BANP: variants seen among roughly 807,000 people sequenced by gnomAD.
The protein encoded by BANP is BTG3 associated nuclear protein.
In BANP, 11 loss-of-function variants were observed where a neutral mutation model predicts 68.1. The ratio of observed to expected loss-of-function variants is 0.16; its 90% CI spans 0.10 to 0.27. The LOEUF (loss-of-function observed/expected upper bound fraction) is 0.27, where lower values mean the gene tolerates loss of function less well. Among genes scored for constraint, BANP ranks in the 10% least tolerant of loss-of-function variants. The pLI is 1.00. For synonymous variants in BANP, 329 were observed against 303.2 expected, an observed-to-expected ratio of 1.09 and a Z score of -0.88; for missense variants, 504 against 722.7, an observed-to-expected ratio of 0.70 and a Z score of 3.47.
rs73235263 is a variant in BANP, at chr16:88,073,069, C to G, written c.1521+857C>G. ...ATTAAAATCCTAGATGTCTGAGCAG[C>G]CTTTCCCTGCTCCCCGGGCACTGCT... is the stretch of plus-strand genomic sequence containing the variant. On this transcript the variant is annotated intron_variant, in intron 13 of 13. Coordinates refer to ENST00000682872, the MANE Select transcript of BANP (RefSeq NM_001386991.1). Among the ~76,000 whole-genome samples the G allele has an allele frequency of 5.7e-3, 871 of 152,350 alleles. 10 individuals carry two copies. The highest frequency in any genetic ancestry group is 0.02 in the African/African-American group (821 of 41,584).
chr16:88,021,900 C>T (rs2076103616), intron 7 of BANP, among the ~76,000 whole-genome samples: 1 of 152,264 alleles, frequency 6.6e-6, no homozygotes. Flanking sequence ...GATTTTCTTT[C>T]TTTTTCTGGA....
At chr16:88,008,435 A>G (rs927810675) in intron 6 of BANP, among the ~76,000 whole-genome samples, 1 of 152,210 alleles carries the variant, frequency 6.6e-6, no homozygotes, top group African/African-American at 2.4e-5. Context: ...AATTGTTGTA[A>G]TTATTTTTGG....
At chr16:87,956,728 T>C (rs1398976692) in intron 1 of BANP, 1 of 151,954 alleles carries the variant, frequency 6.6e-6, no homozygotes, top group Non-Finnish European at 1.5e-5. Context: ...TTTCCGCCTC[T>C]GCACGTCCCG....
At chr16:88,032,877 A>G (rs1220091951) in intron 8 of BANP, among the ~76,000 whole-genome samples, 2 of 152,238 alleles carry the variant, frequency 1.3e-5, no homozygotes, top group African/African-American at 2.4e-5. Flanking sequence ...TCATAGCAGC[A>G]TCACGCCACT....
At position 88,077,053 on chromosome 16, in the gene BANP, G is replaced by A. The variant is rs191518470; in HGVS notation, c.*392G>A. On this transcript the variant is annotated 3_prime_UTR_variant, in exon 14 of 14. Transcript: ENST00000682872. ...GGGAGTAGCAGGAGCCCTTTGCTGT[G>A]TGCTCTGTCCAGTGTCATGAGACGG... 26 of 240,522 alleles carry A rather than the reference G, an allele frequency of 1.1e-4. No individual in the cohort carries two copies. Among genetic ancestry groups the A allele is most frequent in the African/African-American group, 5.3e-4 (23 of 43,200 alleles). 14.9% of individuals were successfully genotyped at this position (240,522 alleles called of 1,614,324 possible).
At chr16:87,960,615 G>GTT (rs2058962533) in intron 1 of BANP, among the ~76,000 whole-genome samples, 2 of 152,206 alleles carry the variant, frequency 1.3e-5, no homozygotes, top group Admixed American at 1.3e-4. Flanking sequence ...TCATGGCACA[G>GTT]TGTTGGGTGT....
chr16:88,056,514 C>T (rs1598950092), intron 11 of BANP, among the ~76,000 whole-genome samples: 1 of 150,378 alleles, frequency 6.6e-6, no homozygotes, highest in Admixed American at 6.6e-5. Context: ...CTGAAATGTA[C>T]ACTTTCAGTG....
chr16:88,028,221 T>C (rs565736438), intron 8 of BANP, among the ~76,000 whole-genome samples: 1 of 152,380 alleles, frequency 6.6e-6, no homozygotes, highest in South Asian at 2.1e-4. Flanking sequence ...GAATGAAAAC[T>C]ATTCTCTTAA....
chr16:88,054,864 T>C (rs2084584519), intron 11 of BANP, among the ~76,000 whole-genome samples: 1 of 152,210 alleles, frequency 6.6e-6, no homozygotes. Flanking sequence ...GTGTTGAATT[T>C]GGATTCTGCA....
intron 13 of BANP, among the ~76,000 whole-genome samples, chr16:88,074,917 A>G (rs902081326): frequency 2.0e-5 from 3 of 152,046 alleles, no homozygotes; most frequent in Non-Finnish European, 4.4e-5. Flanking sequence ...AAAAAGCACA[A>G]CCTGGACCAG....
chr16:87,994,936 G>GC (rs2066782649), intron 4 of BANP, among the ~76,000 whole-genome samples: 2 of 152,178 alleles, frequency 1.3e-5, no homozygotes, highest in South Asian at 4.1e-4. Flanking sequence ...GCTGCATCTT[G>GC]CTTATGTTCA....
upstream of BANP, among the ~76,000 whole-genome samples, chr16:87,951,125 G>A (rs532881233): frequency 4.6e-5 from 7 of 152,366 alleles, no homozygotes; most frequent in South Asian, 1.4e-3. Context: ...AGGTGTAGTA[G>A]TTGAGGGAGC....
chr16:88,029,306 C>CA lies in BANP; in HGVS notation c.1063+1678dup, dbSNP rs59989652. Among the ~76,000 whole-genome samples the CA allele has an allele frequency of 2.0e-3, 109 of 55,710 alleles. 2 individuals are homozygous for CA. Among genetic ancestry groups the CA allele is most frequent in the African/African-American group, 5.9e-3 (80 of 13,504 alleles). The allele number at this position is 55,710 out of a possible 152,430, so 36.5% of individuals were successfully genotyped here. A position where few individuals can be genotyped will look rare whatever the true frequency, so the allele number is the denominator to read the frequency against. On this transcript the variant is annotated intron_variant, in intron 8 of 13. Coordinates refer to ENST00000682872, the MANE Select transcript of BANP (RefSeq NM_001386991.1). ...TGGGTGACAGAGCGAGACTGTATCT[C>CA]AAAAAAAAAAAAAAAAAAAAAAGCC...
At chr16:87,950,000 C>G (rs2056656909), upstream of BANP, among the ~76,000 whole-genome samples, 1 of 151,880 alleles carries the variant, frequency 6.6e-6, no homozygotes, top group Non-Finnish European at 1.5e-5. Flanking sequence ...GCCTCAGCCT[C>G]CCGAGTAGCT....
chr16:88,045,867 G>C (rs1233591553), intron 11 of BANP, among the ~76,000 whole-genome samples: 1 of 152,190 alleles, frequency 6.6e-6, no homozygotes, highest in African/African-American at 2.4e-5. Context: ...GGGATTGGCA[G>C]TGTCGCTTCC....
chr16:87,974,929 T>C lies in BANP; in HGVS notation c.-68-119T>C, dbSNP rs973744688. On this transcript the variant is annotated intron_variant, in intron 1 of 13. Coordinates refer to ENST00000682872, the MANE Select transcript of BANP (RefSeq NM_001386991.1). ...GGTTTGAGGCAAGAAGAACCCTGCA[T>C]GTAAAACTCCACAGACGTTCGCGGC... 2.1e-5 allele frequency: 12 copies of C among 584,682 alleles called. No homozygotes were observed. In the Admixed American group the frequency reaches 2.6e-4, roughly 13 times the overall value. The allele number at this position is 584,682 out of a possible 1,614,324, so 36.2% of individuals were successfully genotyped here.
intron 1 of BANP, among the ~76,000 whole-genome samples, chr16:87,960,606 C>T (rs894379618): frequency 4.6e-5 from 7 of 152,186 alleles, no homozygotes; most frequent in African/African-American, 1.7e-4. Context: ...GACAGCAGTT[C>T]ATGGCACAGT....
At chr16:87,993,933 T>C (rs1467235814) in intron 4 of BANP, among the ~76,000 whole-genome samples, 1 of 151,860 alleles carries the variant, frequency 6.6e-6, no homozygotes, top group African/African-American at 2.4e-5. Flanking sequence ...CACTACCAAA[T>C]GCTTCTCCGG....
chr16:87,981,303 A>G (rs1012069509), intron 3 of BANP, among the ~76,000 whole-genome samples, 176 bp downstream of exon 3: 1 of 152,168 alleles, frequency 6.6e-6, no homozygotes, highest in Non-Finnish European at 1.5e-5. Context: ...TAGAAGGTGG[A>G]TCCTTCCTGC....
Sources: gnomAD v4.1 joint callset for allele counts (sites outside exome capture counted in the v4.1 genomes callset) on GRCh38, gnomAD v4.1.1 for gene constraint, MANE v1.5 for transcripts, NCBI Gene and HGNC (gene_info 2026-07-23, HGNC 2026-07-21) for gene names.